Variants in STXBP5L observed in about 807,000 individuals in gnomAD.
STXBP5L encodes syntaxin binding protein 5L, also known as syntaxin-binding protein 5-like.
In STXBP5L, 65 loss-of-function variants were observed where a neutral mutation model predicts 144.5. The ratio of observed to expected loss-of-function variants is 0.45; its 90% CI spans 0.37 to 0.55. The LOEUF is 0.55. Ranked by LOEUF, STXBP5L falls within the 20% of genes least tolerant of loss-of-function variation. The pLI, the probability that STXBP5L is intolerant of heterozygous loss-of-function variation, is 0.00. For missense variants in STXBP5L, 1,298 were observed against 1,405.5 expected (o/e 0.92, Z 1.22); for synonymous variants, 505 against 469.6 (o/e 1.08, Z -0.97).
At chr3:120,916,098 T>C (rs1709087624) in intron 2 of STXBP5L, among the ~76,000 whole-genome samples, 1 of 152,200 alleles carries the variant, frequency 6.6e-6, no homozygotes, top group East Asian at 1.9e-4. Flanking sequence ...ACCTATGATA[T>C]ATTCTGGACT....
chr3:121,384,433 G>A (rs1576329927), intron 22 of STXBP5L, among the ~76,000 whole-genome samples: 1 of 152,138 alleles, frequency 6.6e-6, no homozygotes, highest in East Asian at 1.9e-4. Flanking sequence ...GAAGACCAAA[G>A]TGAGAGGAAT....
intron 9 of STXBP5L, among the ~76,000 whole-genome samples, chr3:121,203,750 A>G (rs1216693140): frequency 2.0e-5 from 3 of 152,220 alleles, no homozygotes; most frequent in Admixed American, 1.3e-4. Context: ...AAATGCTTTA[A>G]TATGTACAAA....
intron 5 of STXBP5L, among the ~76,000 whole-genome samples, chr3:121,090,607 A>C (rs2042730493): frequency 1.3e-5 from 2 of 152,110 alleles, no homozygotes; most frequent in African/African-American, 4.8e-5. Context: ...AATATTTTAA[A>C]GTCTCTAAAG....
chr3:121,063,462 G>A (rs1201462628), intron 5 of STXBP5L, among the ~76,000 whole-genome samples: 1 of 152,216 alleles, frequency 6.6e-6, no homozygotes, highest in Non-Finnish European at 1.5e-5. Context: ...TCCCAGTCAG[G>A]AGTTATGGGG....
At chr3:121,371,429 G>T (rs188078274) in intron 20 of STXBP5L, among the ~76,000 whole-genome samples, 1 of 152,218 alleles carries the variant, frequency 6.6e-6, no homozygotes, top group Non-Finnish European at 1.5e-5. Context: ...GCATTCCAAT[G>T]GGTAATGCCA....
At chr3:121,100,589 A>G (rs1467335150) in intron 5 of STXBP5L, among the ~76,000 whole-genome samples, 1 of 152,126 alleles carries the variant, frequency 6.6e-6, no homozygotes, top group East Asian at 1.9e-4. Flanking sequence ...GGGATGCAAC[A>G]AAAGCAATGT....
chr3:121,351,670 C>G (rs1410007409), intron 20 of STXBP5L, among the ~76,000 whole-genome samples: 1 of 152,142 alleles, frequency 6.6e-6, no homozygotes, highest in Non-Finnish European at 1.5e-5. Flanking sequence ...GTTTCTCTTG[C>G]TGTGCAGAAG....
intron 5 of STXBP5L, among the ~76,000 whole-genome samples, chr3:121,096,603 G>T (rs2043143118): frequency 6.6e-6 from 1 of 152,088 alleles, no homozygotes; most frequent in South Asian, 2.1e-4. Flanking sequence ...CCCCTCTGCT[G>T]CAGGTTGGCT....
chr3:121,394,257 T>A (rs904711206), intron 22 of STXBP5L, among the ~76,000 whole-genome samples: 1 of 152,210 alleles, frequency 6.6e-6, no homozygotes, highest in East Asian at 1.9e-4. Context: ...CTGATTTTTA[T>A]ACATTGATTT....
chr3:121,281,415 T>G (rs955177518), intron 19 of STXBP5L, among the ~76,000 whole-genome samples: 6 of 151,992 alleles, frequency 3.9e-5, no homozygotes, highest in Admixed American at 3.9e-4. Context: ...GGTTTCCTCA[T>G]GATTAGGAAA....
At chr3:121,367,062 G>A (rs1183535610) in intron 20 of STXBP5L, among the ~76,000 whole-genome samples, 3 of 152,022 alleles carry the variant, frequency 2.0e-5, no homozygotes, top group African/African-American at 7.2e-5. Context: ...AGTTGTTTAT[G>A]TTCTAAAATT....
intron 10 of STXBP5L, among the ~76,000 whole-genome samples, chr3:121,215,512 A>G (rs1018521384): frequency 4.6e-5 from 7 of 152,106 alleles, no homozygotes; most frequent in African/African-American, 1.4e-4. Context: ...CTTTTCTTTA[A>G]TAGTGTTGAA....
At chr3:121,342,234 A>G (rs1019999513) in intron 20 of STXBP5L, among the ~76,000 whole-genome samples, 8 of 152,154 alleles carry the variant, frequency 5.3e-5, no homozygotes, top group African/African-American at 1.9e-4. Flanking sequence ...TCTCATTCCT[A>G]ATAAACAGGA....
At chr3:120,935,195 G>A (rs1710200397) in intron 2 of STXBP5L, among the ~76,000 whole-genome samples, 1 of 149,898 alleles carries the variant, frequency 6.7e-6, no homozygotes, top group Admixed American at 6.6e-5. Flanking sequence ...TTGCCCTTAG[G>A]TTTGCAATAT....
chr3:121,152,518 C>G lies in STXBP5L; in HGVS notation c.711C>G (p.Asp237Glu). Residue 237 changes from aspartate to glutamate, a missense_variant, in exon 8 of 27, where the codon GAC (aspartate) becomes GAG (glutamate). Coordinates refer to ENST00000471454, the MANE Select transcript of STXBP5L (RefSeq NM_001308330.2). ...AAAATGGTACTGTAGTATTCTGGGACTTGAAATCTAAAAGAGCAGAACTGA... is the reference window on the plus strand; with the variant it reads ...AAAATGGTACTGTAGTATTCTGGGAGTTGAAATCTAAAAGAGCAGAACTGA... ...GYENGTVVFW[D>E]LKSKRAELRV... The G allele has an allele frequency of 3.1e-6, 5 of 1,609,104 alleles. No individual in the cohort carries two copies. Among genetic ancestry groups the G allele is most frequent in the Non-Finnish European group, 4.2e-6 (5 of 1,177,766 alleles).
intron 5 of STXBP5L, among the ~76,000 whole-genome samples, chr3:121,050,291 A>G (rs1947863783): frequency 6.6e-6 from 1 of 152,150 alleles, no homozygotes; most frequent in African/African-American, 2.4e-5. Context: ...AAATTTGTTG[A>G]AACTAGATAG....
chr3:121,103,331 A>G (rs1304273766), intron 5 of STXBP5L, among the ~76,000 whole-genome samples: 2 of 152,194 alleles, frequency 1.3e-5, no homozygotes, highest in African/African-American at 2.4e-5. Context: ...AAATTGGTGC[A>G]TATACACTAC....
chr3:121,289,833 A>G (rs2051363098), intron 19 of STXBP5L, among the ~76,000 whole-genome samples: 1 of 152,176 alleles, frequency 6.6e-6, no homozygotes, highest in Non-Finnish European at 1.5e-5. Flanking sequence ...TGAAATCAAG[A>G]TGGAAATTTA....
chr3:121,394,829 C>A, intron 22 of STXBP5L, among the ~76,000 whole-genome samples: 1 of 152,112 alleles, frequency 6.6e-6, no homozygotes, highest in Non-Finnish European at 1.5e-5. Flanking sequence ...TGGTCTTGAT[C>A]TCCTGACCTC....
Sources: gnomAD v4.1 joint callset for allele counts (sites outside exome capture counted in the v4.1 genomes callset) on GRCh38, gnomAD v4.1.1 for gene constraint, MANE v1.5 for transcripts, NCBI Gene and HGNC (gene_info 2026-07-23, HGNC 2026-07-21) for gene names.